Variants in CAMKMT observed in about 807,000 individuals in gnomAD.
The protein encoded by CAMKMT is CaM KMT.
A neutral mutation model predicts 48.0 loss-of-function variants in CAMKMT; 53 were observed. The ratio of observed to expected loss-of-function variants is 1.10; its 90% CI spans 0.89 to 1.39. The LOEUF (loss-of-function observed/expected upper bound fraction) is 1.39, where lower values mean the gene tolerates loss of function less well. CAMKMT is among the 40% of genes most tolerant of loss of function. CAMKMT has a pLI of 0.00. For missense variants in CAMKMT, 428 were observed against 402.7 expected (o/e 1.06, Z -0.54); for synonymous variants, 165 against 152.3 (o/e 1.08, Z -0.61).
chr2:44,507,504 C>A lies in CAMKMT; in HGVS notation c.376+117199C>A, dbSNP rs190222396. Among the ~76,000 whole-genome samples the A allele has an allele frequency of 2.0e-5, 3 of 152,132 alleles. No homozygotes were observed. The East Asian group carries it at 5.8e-4, about 29-fold the overall frequency. ...TTGGTGTACTGTACCATGTAGTATGCCTTTTTTGTAATGACCCTGATTTCA... is the reference window on the plus strand; with the variant it reads ...TTGGTGTACTGTACCATGTAGTATGACTTTTTTGTAATGACCCTGATTTCA... On this transcript the variant is annotated intron_variant, in intron 3 of 10. Transcript: ENST00000378494.
At chr2:44,363,718 C>G (rs1019507170) in intron 1 of CAMKMT, among the ~76,000 whole-genome samples, 1 of 146,902 alleles carries the variant, frequency 6.8e-6, no homozygotes, top group Non-Finnish European at 1.5e-5. Flanking sequence ...GATACAGAGC[C>G]TTACTGTGTT....
At chr2:44,723,539 G>T (rs948986713) in intron 7 of CAMKMT, among the ~76,000 whole-genome samples, 3 of 151,116 alleles carry the variant, frequency 2.0e-5, no homozygotes, top group South Asian at 2.1e-4. Flanking sequence ...TGCAGTGAGC[G>T]GAGATCACAC....
intron 2 of CAMKMT, among the ~76,000 whole-genome samples, chr2:44,382,717 G>A (rs940940303): frequency 1.3e-5 from 2 of 151,942 alleles, no homozygotes; most frequent in African/African-American, 4.8e-5. Flanking sequence ...CTGACCTGGT[G>A]ATCCACCCGC....
intron 3 of CAMKMT, among the ~76,000 whole-genome samples, chr2:44,643,322 A>G (rs1673550575): frequency 6.6e-6 from 1 of 152,228 alleles, no homozygotes; most frequent in Non-Finnish European, 1.5e-5. Flanking sequence ...TGAAACATTA[A>G]AGAAACTGTA....
chr2:44,747,568 G>A (rs112211569), intron 8 of CAMKMT, among the ~76,000 whole-genome samples: 18 of 152,326 alleles, frequency 1.2e-4, no homozygotes, highest in African/African-American at 4.3e-4. Flanking sequence ...GGTAAATACT[G>A]AAAGAGGTCA....
intron 3 of CAMKMT, among the ~76,000 whole-genome samples, chr2:44,511,539 T>G (rs575314073): frequency 6.6e-6 from 1 of 152,334 alleles, no homozygotes; most frequent in African/African-American, 2.4e-5. Flanking sequence ...TCCGCCTGCC[T>G]CAGCCTCCCA....
intron 3 of CAMKMT, among the ~76,000 whole-genome samples, chr2:44,527,758 A>G (rs1447597863): frequency 8.2e-5 from 12 of 146,396 alleles, no homozygotes; most frequent in African/African-American, 2.8e-4. Context: ...GAGCATCCTC[A>G]TGACCCCCTC....
intron 3 of CAMKMT, among the ~76,000 whole-genome samples, chr2:44,568,397 A>G (rs1319838009): frequency 6.6e-6 from 1 of 152,200 alleles, no homozygotes. Flanking sequence ...ATAATTTTTC[A>G]ATCACAGTTG....
chr2:44,649,581 G>A (rs149054124), intron 3 of CAMKMT, among the ~76,000 whole-genome samples: 1 of 152,264 alleles, frequency 6.6e-6, no homozygotes, highest in African/African-American at 2.4e-5. Flanking sequence ...CCTCTTCATA[G>A]GATGTATGCA....
chr2:44,700,701 T>C (rs1415516619), intron 3 of CAMKMT, among the ~76,000 whole-genome samples: 1 of 152,186 alleles, frequency 6.6e-6, no homozygotes, highest in Non-Finnish European at 1.5e-5. Context: ...CAAAGGTCAT[T>C]GATCACAGAT....
At chr2:44,717,641 T>C (rs932019142) in intron 7 of CAMKMT, among the ~76,000 whole-genome samples, 21 of 151,940 alleles carry the variant, frequency 1.4e-4, no homozygotes, top group African/African-American at 4.8e-4. Context: ...GGAATAAGAG[T>C]AGTGACAGAT....
chr2:44,663,524 TA>T (rs1558779459), intron 3 of CAMKMT, among the ~76,000 whole-genome samples: 1 of 152,234 alleles, frequency 6.6e-6, no homozygotes, highest in Non-Finnish European at 1.5e-5. Flanking sequence ...TAATAACTTT[TA>T]AAAGGTTCAT....
chr2:44,383,074 C>G (rs577077280), intron 2 of CAMKMT, among the ~76,000 whole-genome samples: 2 of 151,888 alleles, frequency 1.3e-5, no homozygotes, highest in Non-Finnish European at 2.9e-5. Flanking sequence ...ACTGCCTTTT[C>G]GGAGGCCATT....
intron 7 of CAMKMT, among the ~76,000 whole-genome samples, chr2:44,722,193 T>C (rs1178543543): frequency 8.3e-5 from 8 of 95,812 alleles, no homozygotes; most frequent in Non-Finnish European, 1.4e-4. Context: ...TTTTTTTTTT[T>C]CTATTCTGGA....
At chr2:44,535,623 A>T (rs922634306) in intron 3 of CAMKMT, among the ~76,000 whole-genome samples, 1 of 152,244 alleles carries the variant, frequency 6.6e-6, no homozygotes, top group Non-Finnish European at 1.5e-5. Context: ...CACCAACAGA[A>T]TGAAGGACAA....
intron 3 of CAMKMT, among the ~76,000 whole-genome samples, chr2:44,444,066 A>G (rs970440063): frequency 3.3e-5 from 5 of 152,190 alleles, no homozygotes; most frequent in African/African-American, 1.2e-4. Context: ...TTACGGCCTG[A>G]AGGAAAAGTA....
intron 6 of CAMKMT, among the ~76,000 whole-genome samples, chr2:44,714,831 G>T (rs1044529327): frequency 6.6e-6 from 1 of 152,140 alleles, no homozygotes; most frequent in Non-Finnish European, 1.5e-5. Context: ...GCTTGCCTGT[G>T]GCAAGTCAGC....
At chr2:44,487,220 C>T (rs941147316) in intron 3 of CAMKMT, among the ~76,000 whole-genome samples, 1 of 151,870 alleles carries the variant, frequency 6.6e-6, no homozygotes, top group African/African-American at 2.4e-5. Context: ...ACATTGTGCT[C>T]ATCTTTAAGT....
chr2:44,613,325 C>A (rs773136349), intron 3 of CAMKMT, among the ~76,000 whole-genome samples: 1 of 152,162 alleles, frequency 6.6e-6, no homozygotes, highest in Non-Finnish European at 1.5e-5. Context: ...CCATACCCCA[C>A]CTCTCAGGCT....
Sources: allele counts gnomAD v4.1 joint callset (sites outside exome capture counted in the v4.1 genomes callset), GRCh38; gene constraint gnomAD v4.1.1; transcripts MANE v1.5; gene names NCBI Gene and HGNC (gene_info 2026-07-23, HGNC 2026-07-21).